Variants in CFAP61 observed in about 807,000 individuals in gnomAD.
CFAP61 encodes cilia- and flagella-associated protein 61.
A neutral mutation model predicts 135.6 loss-of-function variants in CFAP61; 107 were observed. The ratio of observed to expected loss-of-function variants is 0.79; its 90% CI spans 0.67 to 0.93. The LOEUF (loss-of-function observed/expected upper bound fraction) is 0.93, where lower values mean the gene tolerates loss of function less well. CFAP61 is among the 40% of genes least tolerant of loss of function. CFAP61 has a pLI of 0.00. For synonymous variants in CFAP61, 575 were observed against 578.5 expected, an observed-to-expected ratio of 0.99 and a Z score of 0.09; for missense variants, 1,507 against 1,556.2, an observed-to-expected ratio of 0.97 and a Z score of 0.53.
chr20:20,289,585 G>A (rs1474447370), intron 23 of CFAP61, among the ~76,000 whole-genome samples: 2 of 152,186 alleles, frequency 1.3e-5, no homozygotes, highest in African/African-American at 2.4e-5. Flanking sequence ...AACCCACAAA[G>A]CTGTACATAG....
In CFAP61 at chr20:20,066,497, A is replaced by G. The variant is rs545970757; in HGVS notation, c.144-4357A>G. ...ATACACCATGGAATACTGTGCAGCCATAAAAAAGGATGAGTTCATGTCCTT... is the reference window on the plus strand; with the variant it reads ...ATACACCATGGAATACTGTGCAGCCGTAAAAAAGGATGAGTTCATGTCCTT... On this transcript the variant is annotated intron_variant, in intron 2 of 26. Transcript: ENST00000245957. Among the ~76,000 whole-genome samples the G allele has an allele frequency of 2.8e-4, 42 of 152,346 alleles. No individual in the cohort carries two copies. The South Asian group carries it at 6.8e-3, about 25-fold the overall frequency.
At chr20:20,174,083 T>C (rs935199300) in intron 13 of CFAP61, among the ~76,000 whole-genome samples, 5 of 152,240 alleles carry the variant, frequency 3.3e-5, no homozygotes, top group Non-Finnish European at 7.3e-5. Flanking sequence ...AGTGCCAGCT[T>C]CATTTTCTTG....
At chr20:20,342,069 TG>T (rs1569316481) in intron 26 of CFAP61, 148 bp downstream of exon 26, 2 of 541,638 alleles carry the variant, frequency 3.7e-6, no homozygotes, top group Non-Finnish European at 6.5e-6. Context: ...CTGCGGAGCA[TG>T]TAAATGCAGA....
chr20:20,116,772 C>A (rs918684657), intron 8 of CFAP61, among the ~76,000 whole-genome samples: 11 of 152,070 alleles, frequency 7.2e-5, no homozygotes, highest in Admixed American at 3.3e-4. Context: ...CTCTTCCTGA[C>A]CTCTAGTAAC....
intron 17 of CFAP61, among the ~76,000 whole-genome samples, chr20:20,203,445 A>G (rs1601382601): frequency 6.6e-6 from 1 of 152,214 alleles, no homozygotes; most frequent in East Asian, 1.9e-4. Context: ...CTGCATAAGA[A>G]TTATTATTTT....
At chr20:20,227,576 C>A (rs1029514426) in intron 17 of CFAP61, among the ~76,000 whole-genome samples, 3 of 152,192 alleles carry the variant, frequency 2.0e-5, no homozygotes, top group Non-Finnish European at 4.4e-5. Flanking sequence ...ATGACTAATT[C>A]AGGTAATTTT....
At chr20:20,272,026 C>A (rs866284012) in intron 21 of CFAP61, among the ~76,000 whole-genome samples, 1 of 152,156 alleles carries the variant, frequency 6.6e-6, no homozygotes, top group Non-Finnish European at 1.5e-5. Flanking sequence ...TTATAAAGTA[C>A]ACAATGGTAG....
At chr20:20,228,503 G>A in intron 18 of CFAP61, 127 bp downstream of exon 18, 1 of 718,420 alleles carries the variant, frequency 1.4e-6, no homozygotes, top group Non-Finnish European at 2.3e-6. Flanking sequence ...CTGCCTATGT[G>A]GATGGATGAA....
chr20:20,137,151 G>T (rs2050993287), intron 8 of CFAP61, among the ~76,000 whole-genome samples: 1 of 152,122 alleles, frequency 6.6e-6, no homozygotes, highest in African/African-American at 2.4e-5. Context: ...GCTGGGGGAG[G>T]GGTGACACAA....
intron 21 of CFAP61, among the ~76,000 whole-genome samples, chr20:20,268,562 G>T (rs1247990365): frequency 6.6e-6 from 1 of 152,158 alleles, no homozygotes; most frequent in Non-Finnish European, 1.5e-5. Context: ...AGAGGACATG[G>T]TTTTCCGGGC....
intron 3 of CFAP61, among the ~76,000 whole-genome samples, 183 bp downstream of exon 3, chr20:20,071,187 G>A (rs2045680085): frequency 1.3e-5 from 2 of 152,212 alleles, no homozygotes; most frequent in African/African-American, 4.8e-5. Context: ...ATAGGAAAGG[G>A]CAGGGAGTAG....
chr20:20,200,035 G>A (rs908365118), intron 17 of CFAP61, 133 bp downstream of exon 17: 49 of 1,086,742 alleles, frequency 4.5e-5, no homozygotes, highest in Middle Eastern at 3.1e-4. Context: ...TACCCTTACA[G>A]GCGGAGCCCC....
At position 20,098,795 on chromosome 20, in the gene CFAP61, A is replaced by T; in HGVS notation, c.840A>T (p.Leu280=). 6.2e-7 allele frequency: 1 copy of T among 1,612,696 alleles called. No individual in the cohort carries two copies. The highest frequency in any genetic ancestry group is 8.5e-7 in the Non-Finnish European group (1 of 1,179,500). ...PDDVLESPQD[L]SVRRSQDAEL... ...ACGTTCTGGAATCACCACAAGACCT[A>T]AGTGTCCGAAGAAGTCAAGGTACAG... is the stretch of plus-strand genomic sequence containing the variant. The change falls in exon 8 of 27, where the codon CTA becomes CTT. Residue 280 remains leucine (L), a synonymous_variant. Coordinates refer to ENST00000245957, the MANE Select transcript of CFAP61 (RefSeq NM_015585.4).
intron 15 of CFAP61, among the ~76,000 whole-genome samples, chr20:20,195,393 A>G (rs2056213638): frequency 6.6e-6 from 1 of 152,208 alleles, no homozygotes; most frequent in Admixed American, 6.5e-5. Context: ...ACCTGCATAT[A>G]TGATTTGATT....
chr20:20,073,496 C>G (rs1331463387), intron 3 of CFAP61, among the ~76,000 whole-genome samples: 1 of 152,196 alleles, frequency 6.6e-6, no homozygotes, highest in Admixed American at 6.5e-5. Context: ...TAGGCAGCAC[C>G]TGTGCTGTCC....
At chr20:20,277,596 C>A in intron 22 of CFAP61, 138 bp downstream of exon 22, 1 of 900,872 alleles carries the variant, frequency 1.1e-6, no homozygotes, top group Non-Finnish European at 1.7e-6. Context: ...TTCAGATTAC[C>A]TCTTGCTGGG....
At chr20:20,233,347 G>A (rs1336185066) in intron 18 of CFAP61, among the ~76,000 whole-genome samples, 3 of 152,200 alleles carry the variant, frequency 2.0e-5, no homozygotes, top group Non-Finnish European at 2.9e-5. Flanking sequence ...GTGACTCCCC[G>A]TCCTGTCGGT....
chr20:20,213,701 C>G (rs1215370569), intron 17 of CFAP61, among the ~76,000 whole-genome samples: 1 of 152,162 alleles, frequency 6.6e-6, no homozygotes, highest in African/African-American at 2.4e-5. Context: ...TGGGTGCATT[C>G]TGTCACCCAT....
chr20:20,189,167 A>T (rs1282323270), intron 14 of CFAP61, among the ~76,000 whole-genome samples: 1 of 152,218 alleles, frequency 6.6e-6, no homozygotes, highest in East Asian at 1.9e-4. Context: ...GAGACGCCAA[A>T]CACCTAAACA....
Sources: gnomAD v4.1 joint callset for allele counts (sites outside exome capture counted in the v4.1 genomes callset) on GRCh38, gnomAD v4.1.1 for gene constraint, MANE v1.5 for transcripts, NCBI Gene and HGNC (gene_info 2026-07-23, HGNC 2026-07-21) for gene names.